The following RBM20 variants were observed in gnomAD, a reference collection of about 807,000 sequenced individuals.
RBM20 encodes the protein RNA-binding protein 20.
RBM20 carries 51 observed loss-of-function variants against 110.1 expected under a neutral mutation model. The ratio of observed to expected loss-of-function variants is 0.46; its 90% CI spans 0.37 to 0.59. RBM20 has a LOEUF of 0.59. RBM20 is among the 20% of genes least tolerant of loss of function. The probability of loss-of-function intolerance (pLI) is 0.00; values close to 1 mark genes in which losing one functional copy is unlikely to be tolerated. For missense variants in RBM20, 1,512 were observed against 1,574.9 expected (o/e 0.96, Z 0.68); for synonymous variants, 589 against 618.2 (o/e 0.95, Z 0.70).
In RBM20 at chr10:110,680,113, G is replaced by A. The variant is rs374325680; in HGVS notation, c.191+35468G>A. Among the ~76,000 whole-genome samples the A allele has an allele frequency of 2.5e-4, 38 of 152,164 alleles. No homozygotes were observed. The East Asian group carries it at 2.5e-3, about 10-fold the overall frequency. ...AACTGTGAGTGGTGGCATTAGAGCC[G>A]GGAGCCGGGCACCTGTTGTCATGCA... On this transcript the variant is annotated intron_variant, in intron 1 of 13. Transcript: ENST00000369519.
At chr10:110,782,260 T>C (rs1339972562) in intron 2 of RBM20, among the ~76,000 whole-genome samples, 1 of 152,098 alleles carries the variant, frequency 6.6e-6, no homozygotes, top group East Asian at 1.9e-4. Context: ...AGTACCCATA[T>C]TGTAGTGAGT....
chr10:110,831,033 T>C, intron 12 of RBM20, 28 bp from the exon 13 acceptor site: 1 of 1,543,152 alleles, frequency 6.5e-7, no homozygotes. Context: ...ATCCTAACCC[T>C]GCGTGTCTAT....
intron 1 of RBM20, among the ~76,000 whole-genome samples, chr10:110,748,076 T>C (rs1205877731): frequency 6.6e-6 from 1 of 152,186 alleles, no homozygotes; most frequent in Non-Finnish European, 1.5e-5. Flanking sequence ...AGTAGAGAAA[T>C]GAAACTTTTA....
At chr10:110,673,141 C>CA (rs959316342) in intron 1 of RBM20, among the ~76,000 whole-genome samples, 3 of 152,132 alleles carry the variant, frequency 2.0e-5, no homozygotes, top group African/African-American at 7.2e-5. Flanking sequence ...TATCATAGGG[C>CA]AGAGTGAGAA....
rs1482293092 is a variant in RBM20 at position 110,668,105 on chromosome 10, G to C, written c.191+23460G>C. ...CAGGCTAAAATTAAAAGTGAAGTCA[G>C]GCCCTTCTTGCATCTATTTTTAACT... On this transcript the variant is annotated intron_variant, in intron 1 of 13. Coordinates refer to ENST00000369519, the MANE Select transcript of RBM20 (RefSeq NM_001134363.3). Among the ~76,000 whole-genome samples, 3 of 152,154 alleles carry C rather than the reference G, an allele frequency of 2.0e-5. No homozygotes were observed. In the East Asian group the frequency reaches 5.8e-4, roughly 29 times the overall value.
chr10:110,737,488 C>T (rs1010862807), intron 1 of RBM20, among the ~76,000 whole-genome samples: 2 of 152,140 alleles, frequency 1.3e-5, no homozygotes, highest in Admixed American at 1.3e-4. Flanking sequence ...GAACATATCC[C>T]TAAAAACCTG....
chr10:110,701,293 G>C (rs1231287068), intron 1 of RBM20, among the ~76,000 whole-genome samples: 2 of 151,950 alleles, frequency 1.3e-5, no homozygotes, highest in African/African-American at 4.8e-5. Flanking sequence ...GTTCACAGTG[G>C]GGCTTACTTC....
chr10:110,707,990 T>C (rs1159230865), intron 1 of RBM20, among the ~76,000 whole-genome samples: 3 of 152,230 alleles, frequency 2.0e-5, no homozygotes, highest in Non-Finnish European at 4.4e-5. Flanking sequence ...AGACACCACA[T>C]GTACTCCACA....
chr10:110,683,365 A>G (rs1220212853), intron 1 of RBM20, among the ~76,000 whole-genome samples: 2 of 152,238 alleles, frequency 1.3e-5, no homozygotes, highest in Non-Finnish European at 2.9e-5. Flanking sequence ...AGTTGCAGTA[A>G]GAGTGTCCGC....
chr10:110,690,184 T>C (rs1862567089), intron 1 of RBM20, among the ~76,000 whole-genome samples: 1 of 152,188 alleles, frequency 6.6e-6, no homozygotes, highest in Non-Finnish European at 1.5e-5. Flanking sequence ...GGCTGGAGGA[T>C]TGCTTGACGC....
At chr10:110,678,095 A>T (rs929115400) in intron 1 of RBM20, among the ~76,000 whole-genome samples, 2 of 152,242 alleles carry the variant, frequency 1.3e-5, no homozygotes, top group Non-Finnish European at 2.9e-5. Context: ...ATAGGTAACT[A>T]TAAAACATAA....
chr10:110,726,984 TCA>T (rs1204203626), intron 1 of RBM20, among the ~76,000 whole-genome samples: 27 of 152,134 alleles, frequency 1.8e-4, no homozygotes, highest in Admixed American at 1.4e-3. Flanking sequence ...GTAGCTGGTA[TCA>T]CAGGTGCCCA....
intron 6 of RBM20, among the ~76,000 whole-genome samples, chr10:110,798,728 A>G (rs2135076377): frequency 6.6e-6 from 1 of 152,346 alleles, no homozygotes; most frequent in East Asian, 1.9e-4. Flanking sequence ...AAGGAAGAGA[A>G]TGAGCTTGTT....
chr10:110,798,479 A>T (rs895133743), intron 6 of RBM20, among the ~76,000 whole-genome samples: 6 of 152,204 alleles, frequency 3.9e-5, no homozygotes, highest in African/African-American at 1.4e-4. Context: ...AAATGCACAG[A>T]ATTCAGCTTG....
At chr10:110,828,262 A>G (rs1197107599) in intron 12 of RBM20, among the ~76,000 whole-genome samples, 2 of 152,200 alleles carry the variant, frequency 1.3e-5, no homozygotes, top group African/African-American at 4.8e-5. Context: ...GGGCCGGGGC[A>G]ATATGTCTTG....
intron 1 of RBM20, among the ~76,000 whole-genome samples, chr10:110,727,208 C>T (rs771811648): frequency 1.6e-5 from 2 of 125,750 alleles, no homozygotes; most frequent in Non-Finnish European, 3.2e-5. Context: ...CTTTAGTTGA[C>T]ACATAATGTA....
Position 110,675,863 on chromosome 10 carries a change from A to G in RBM20, c.191+31218A>G, listed in dbSNP as rs117688709. 8.9e-3 allele frequency among the ~76,000 whole-genome samples: 1,359 copies of G among 152,362 alleles called. 56 individuals are homozygous for G. The highest frequency in any genetic ancestry group is 0.072 in the Admixed American group (1,103 of 15,300). On this transcript the variant is annotated intron_variant, in intron 1 of 13. Coordinates refer to ENST00000369519, the MANE Select transcript of RBM20 (RefSeq NM_001134363.3). ...GGGAGCATTAAATGTGATAATATAT[A>G]TAATCATTTAGCAGAATGCCTAGCA...
chr10:110,788,807 T>C (rs1159157254), intron 5 of RBM20, among the ~76,000 whole-genome samples: 2 of 152,220 alleles, frequency 1.3e-5, no homozygotes, highest in Admixed American at 1.3e-4. Context: ...TCCAAAGATA[T>C]CACCCCAAAG....
At chr10:110,707,817 A>G (rs1862864613) in intron 1 of RBM20, among the ~76,000 whole-genome samples, 1 of 152,208 alleles carries the variant, frequency 6.6e-6, no homozygotes, top group South Asian at 2.1e-4. Context: ...TAGAATGAAT[A>G]AGACCCAGTA....
Sources: allele counts gnomAD v4.1 joint callset (sites outside exome capture counted in the v4.1 genomes callset), GRCh38; gene constraint gnomAD v4.1.1; transcripts MANE v1.5; gene names NCBI Gene and HGNC (gene_info 2026-07-23, HGNC 2026-07-21).